MDGA2: variants seen among roughly 807,000 people sequenced by gnomAD.
The protein encoded by MDGA2 is MAM domain containing glycosylphosphatidylinositol anchor 2.
MDGA2 carries 40 observed loss-of-function variants against 117.8 expected under a neutral mutation model. The observed-to-expected ratio is 0.34, with a 90% CI of 0.26 to 0.44. The LOEUF (loss-of-function observed/expected upper bound fraction) is 0.44. Among genes scored for constraint, MDGA2 ranks in the 20% least tolerant of loss-of-function variants. The pLI is 1.00. For synonymous variants in MDGA2, 452 were observed against 439.0 expected (o/e 1.03, Z -0.37); for missense variants, 1,123 against 1,250.6 (o/e 0.90, Z 1.54).
intron 2 of MDGA2, among the ~76,000 whole-genome samples, chr14:47,278,274 A>C (rs531630949): frequency 2.3e-3 from 352 of 152,270 alleles, no homozygotes; most frequent in Admixed American, 4.4e-3. Context: ...AATATTTTAA[A>C]TTTTTTTCAA....
chr14:47,582,630 C>T (rs1046878342), intron 1 of MDGA2, among the ~76,000 whole-genome samples: 1 of 151,814 alleles, frequency 6.6e-6, no homozygotes, highest in African/African-American at 2.4e-5. Context: ...ACTTCTAAAT[C>T]AAATCACATA....
intron 14 of MDGA2, among the ~76,000 whole-genome samples, chr14:46,863,956 T>A (rs975461981): frequency 6.6e-6 from 1 of 152,122 alleles, no homozygotes; most frequent in East Asian, 1.9e-4. Context: ...TTTAAATTCA[T>A]CTCATTTAAC....
chr14:47,562,861 T>G (rs903960589), intron 1 of MDGA2, among the ~76,000 whole-genome samples: 25 of 152,170 alleles, frequency 1.6e-4, no homozygotes, highest in African/African-American at 6.0e-4. Context: ...TTGGTGGGAG[T>G]TTAGTGCTAT....
intron 6 of MDGA2, among the ~76,000 whole-genome samples, chr14:47,083,154 G>C (rs1890770108): frequency 6.6e-6 from 1 of 151,850 alleles, no homozygotes; most frequent in Admixed American, 6.6e-5. Flanking sequence ...ATGAGAAAAA[G>C]TAAATATCTG....
chr14:47,306,877 G>T (rs1330346729), intron 1 of MDGA2, among the ~76,000 whole-genome samples: 2 of 151,736 alleles, frequency 1.3e-5, no homozygotes, highest in Non-Finnish European at 2.9e-5. Flanking sequence ...GAGGCAGATA[G>T]ACAGATAGAG....
intron 8 of MDGA2, among the ~76,000 whole-genome samples, chr14:46,988,329 G>GA (rs536159252): frequency 1.4e-4 from 22 of 152,064 alleles, no homozygotes; most frequent in South Asian, 1.0e-3. Flanking sequence ...AGGGTTGATG[G>GA]AAAAAATCAA....
At chr14:47,289,686 C>G (rs1413779164) in intron 2 of MDGA2, among the ~76,000 whole-genome samples, 1 of 152,024 alleles carries the variant, frequency 6.6e-6, no homozygotes, top group Non-Finnish European at 1.5e-5. Context: ...ATTTTCAATT[C>G]TATGTTGACA....
At chr14:47,504,934 G>A (rs1894479876) in intron 1 of MDGA2, among the ~76,000 whole-genome samples, 1 of 152,074 alleles carries the variant, frequency 6.6e-6, no homozygotes, top group Non-Finnish European at 1.5e-5. Flanking sequence ...GCCAATACAT[G>A]GAATCAACCT....
intron 1 of MDGA2, among the ~76,000 whole-genome samples, chr14:47,628,256 T>A (rs1021388034): frequency 6.6e-6 from 1 of 152,218 alleles, no homozygotes; most frequent in Non-Finnish European, 1.5e-5. Flanking sequence ...CATATTTTGC[T>A]TTTCTTTCAT....
chr14:47,348,377 A>C (rs1327683917), intron 1 of MDGA2, among the ~76,000 whole-genome samples: 1 of 151,762 alleles, frequency 6.6e-6, no homozygotes, highest in East Asian at 1.9e-4. Context: ...ACGCCCAGCT[A>C]ATTTTTGTAT....
chr14:47,053,188 T>C (rs1436062596), intron 7 of MDGA2, among the ~76,000 whole-genome samples: 1 of 151,980 alleles, frequency 6.6e-6, no homozygotes, highest in Non-Finnish European at 1.5e-5. Flanking sequence ...TGATCAGTCA[T>C]TCTCATTTGC....
intron 1 of MDGA2, among the ~76,000 whole-genome samples, chr14:47,389,407 T>C (rs1325435345): frequency 1.3e-5 from 2 of 152,210 alleles, no homozygotes; most frequent in Non-Finnish European, 2.9e-5. Context: ...TGCGTGTTTC[T>C]TAGACTGACC....
chr14:47,487,829 T>C (rs1434148652), intron 1 of MDGA2, among the ~76,000 whole-genome samples: 1 of 152,174 alleles, frequency 6.6e-6, no homozygotes, highest in Non-Finnish European at 1.5e-5. Flanking sequence ...TTTCTTAGTC[T>C]TGGCAATAAC....
chr14:46,990,957 T>C (rs1037199726), intron 8 of MDGA2, among the ~76,000 whole-genome samples: 7 of 151,930 alleles, frequency 4.6e-5, no homozygotes, highest in Admixed American at 2.6e-4. Flanking sequence ...ATTGTTTCTT[T>C]AAAGGATTAT....
At chr14:47,423,184 T>TA (rs1892614454) in intron 1 of MDGA2, among the ~76,000 whole-genome samples, 2 of 152,206 alleles carry the variant, frequency 1.3e-5, no homozygotes, top group Non-Finnish European at 2.9e-5. Context: ...TCCCCATTGA[T>TA]AGTATCATGA....
intron 9 of MDGA2, among the ~76,000 whole-genome samples, chr14:46,929,809 G>A (rs1435303060): frequency 6.7e-6 from 1 of 149,824 alleles, no homozygotes; most frequent in East Asian, 2.0e-4. Flanking sequence ...TCTAATTTTT[G>A]TATTTTTAGT....
At chr14:47,007,406 G>T (rs965291502) in intron 8 of MDGA2, among the ~76,000 whole-genome samples, 2 of 151,698 alleles carry the variant, frequency 1.3e-5, no homozygotes, top group Non-Finnish European at 2.9e-5. Flanking sequence ...TTGCTGTAGG[G>T]TTTCATGCAT....
chr14:47,044,270 A>G (rs1889178486), intron 7 of MDGA2, among the ~76,000 whole-genome samples: 1 of 152,142 alleles, frequency 6.6e-6, no homozygotes, highest in Admixed American at 6.6e-5. Context: ...AACATCCACC[A>G]AAAAACAATA....
chr14:47,136,264 C>A (rs1167576702), intron 4 of MDGA2, among the ~76,000 whole-genome samples: 3 of 149,880 alleles, frequency 2.0e-5, no homozygotes, highest in African/African-American at 4.9e-5. Context: ...AGTGGCGCAA[C>A]CTCGGCTCGC....
Sources: allele counts gnomAD v4.1 joint callset (sites outside exome capture counted in the v4.1 genomes callset), GRCh38; gene constraint gnomAD v4.1.1; transcripts MANE v1.5; gene names NCBI Gene and HGNC (gene_info 2026-07-23, HGNC 2026-07-21).